The following ARHGEF33 variants were observed in gnomAD, a reference collection of about 807,000 sequenced individuals.
The protein encoded by ARHGEF33 is Rho guanine nucleotide exchange factor 33.
A neutral mutation model predicts 101.9 loss-of-function variants in ARHGEF33; 72 were observed. That is an observed-to-expected ratio of 0.71 (90% confidence interval 0.58 to 0.86). The LOEUF is 0.86. Ranked by LOEUF, ARHGEF33 falls within the 40% of genes least tolerant of loss-of-function variation. The pLI is 0.00. For missense variants in ARHGEF33, 1,169 were observed against 1,111.3 expected, an observed-to-expected ratio of 1.05 and a Z score of -0.74; for synonymous variants, 499 against 442.5, an observed-to-expected ratio of 1.13 and a Z score of -1.60.
At chr2:38,923,073 A>G (rs1666796416) in intron 4 of ARHGEF33, among the ~76,000 whole-genome samples, 1 of 152,176 alleles carries the variant, frequency 6.6e-6, no homozygotes. Flanking sequence ...AGTCTATTAT[A>G]GATTTTATGT....
At chr2:38,971,624 A>G (rs1056332401) in intron 17 of ARHGEF33, among the ~76,000 whole-genome samples, 1 of 152,202 alleles carries the variant, frequency 6.6e-6, no homozygotes, top group African/African-American at 2.4e-5. Context: ...AGCGTTATAA[A>G]GAGGTCAGTT....
chr2:38,945,757 G>T, intron 10 of ARHGEF33, among the ~76,000 whole-genome samples: 1 of 152,210 alleles, frequency 6.6e-6, no homozygotes. Flanking sequence ...AGGGAAAAGA[G>T]AAAACTGTTT....
intron 16 of ARHGEF33, among the ~76,000 whole-genome samples, chr2:38,963,567 C>G (rs554717803): frequency 6.6e-6 from 1 of 152,278 alleles, no homozygotes; most frequent in South Asian, 2.1e-4. Context: ...AAAGAAGATA[C>G]AATTTTTGAG....
Position 38,959,938 on chromosome 2 carries a change from A to C in ARHGEF33, c.1633A>C (p.Lys545Gln), listed in dbSNP as rs938122913. 3 of 1,551,676 alleles carry C rather than the reference A, an allele frequency of 1.9e-6. No homozygotes were observed. The highest frequency in any genetic ancestry group is 2.6e-6 in the Non-Finnish European group (3 of 1,146,918). ...KPSDWELEGR[K>Q]HERPESLLAP... ...CAGTGACTGGGAGCTGGAGGGCAGG[A>C]AGCACGAGCGGCCCGAGAGCCTTCT... Residue 545 changes from lysine to glutamine, a missense_variant, in exon 16 of 18, where the codon AAG (lysine) becomes CAG (glutamine). Transcript: ENST00000409978.
chr2:38,958,268 C>G, intron 15 of ARHGEF33, 70 bp downstream of exon 15: 1 of 1,520,990 alleles, frequency 6.6e-7, no homozygotes, highest in South Asian at 1.2e-5. Context: ...TGCGGGTTAG[C>G]AGGGCAGCCT....
At chr2:38,909,330 AT>A (rs955393862) in intron 2 of ARHGEF33, among the ~76,000 whole-genome samples, 19 of 149,536 alleles carry the variant, frequency 1.3e-4, no homozygotes, top group African/African-American at 2.7e-4. Flanking sequence ...ATTAAAAAAA[AT>A]TTTTTTTTTA....
intron 10 of ARHGEF33, among the ~76,000 whole-genome samples, 171 bp downstream of exon 10, chr2:38,944,201 C>G (rs560996145): frequency 7.9e-5 from 12 of 152,346 alleles, no homozygotes; most frequent in African/African-American, 2.9e-4. Flanking sequence ...GCTGCTATGA[C>G]AGAATATCGT....
At chr2:38,950,951 A>C in intron 10 of ARHGEF33, 38 bp from the exon 11 acceptor site, 1 of 1,545,008 alleles carries the variant, frequency 6.5e-7, no homozygotes, top group Non-Finnish European at 8.7e-7. Context: ...TCTTCTCTAC[A>C]CCTTGTTTGT....
chr2:38,930,245 A>T (rs1365346116), intron 6 of ARHGEF33, among the ~76,000 whole-genome samples: 1 of 152,178 alleles, frequency 6.6e-6, no homozygotes, highest in Non-Finnish European at 1.5e-5. Flanking sequence ...AAATAAATTT[A>T]TGTTAAACGA....
Position 38,960,516 on chromosome 2 carries a change from C to A in ARHGEF33, c.2211C>A (p.Pro737=). The A allele has an allele frequency of 7.7e-7, 1 of 1,297,992 alleles. No homozygotes were observed. Among genetic ancestry groups the A allele is most frequent in the Non-Finnish European group, 9.8e-7 (1 of 1,023,846 alleles). The allele number at this position is 1,297,992 out of a possible 1,614,324, so 80.4% of individuals were successfully genotyped here. Residue 737 remains proline (P), a synonymous_variant, in exon 16 of 18, where the codon CCC becomes CCA. Coordinates refer to ENST00000409978, the MANE Select transcript of ARHGEF33 (RefSeq NM_001145451.5). ...GCAGCAGCAGCGGCGGCCGCGCGCC[C>A]ATCAAGGCCGAGCGCGCCGCGCAGG... ...STRSSSGGRA[P]IKAERAAQAH...
intron 9 of ARHGEF33, among the ~76,000 whole-genome samples, chr2:38,943,377 A>C (rs1447751052): frequency 6.6e-6 from 1 of 152,212 alleles, no homozygotes; most frequent in African/African-American, 2.4e-5. Context: ...GGCTGAGGGA[A>C]GTCTCACTGT....
chr2:38,941,313 AC>A (rs1667301468), intron 9 of ARHGEF33, among the ~76,000 whole-genome samples: 1 of 152,184 alleles, frequency 6.6e-6, no homozygotes. Flanking sequence ...TCAGGAATGT[AC>A]AAGGGCAGCT....
Position 38,890,164 on chromosome 2 carries a change from T to C in ARHGEF33, c.-159+178T>C, listed in dbSNP as rs149335920. Among the ~76,000 whole-genome samples, 498 of 152,344 alleles carry C rather than the reference T, an allele frequency of 3.3e-3. 1 individual carries two copies. The highest frequency in any genetic ancestry group is 5.5e-3 in the Non-Finnish European group (373 of 68,028). On this transcript the variant is annotated intron_variant, in intron 1 of 17. Coordinates refer to ENST00000409978, the MANE Select transcript of ARHGEF33 (RefSeq NM_001145451.5). ...TTTATTTAAGAGTTATAACAATTTG[T>C]AAAACATTTATTTCCTTGCTTAATT... is the stretch of plus-strand genomic sequence containing the variant.
chr2:38,972,773 G>A (rs1417905244), intron 17 of ARHGEF33, among the ~76,000 whole-genome samples: 1 of 152,172 alleles, frequency 6.6e-6, no homozygotes, highest in Non-Finnish European at 1.5e-5. Context: ...CTTCTTTGGT[G>A]GATAGTGGAA....
At chr2:38,895,601 A>C (rs1666103263) in intron 1 of ARHGEF33, among the ~76,000 whole-genome samples, 176 bp from the exon 2 acceptor site, 1 of 152,158 alleles carries the variant, frequency 6.6e-6, no homozygotes, top group South Asian at 2.1e-4. Context: ...AGACTAAAAG[A>C]AACAAAGACT....
chr2:38,918,793 C>T (rs1165443961), intron 2 of ARHGEF33, among the ~76,000 whole-genome samples: 1 of 150,120 alleles, frequency 6.7e-6, no homozygotes, highest in Non-Finnish European at 1.5e-5. Flanking sequence ...TGTAATTCAG[C>T]ACTTTGGGAG....
chr2:38,948,434 G>C (rs1486864675), intron 10 of ARHGEF33, among the ~76,000 whole-genome samples: 1 of 152,106 alleles, frequency 6.6e-6, no homozygotes, highest in African/African-American at 2.4e-5. Context: ...TCATCCCGGT[G>C]GGCAGTCCAG....
intron 2 of ARHGEF33, among the ~76,000 whole-genome samples, chr2:38,900,269 T>C (rs990236776): frequency 6.6e-6 from 1 of 152,036 alleles, no homozygotes; most frequent in African/African-American, 2.4e-5. Context: ...ATAATGCAGT[T>C]TGAGAATGTA....
chr2:38,889,917 C>G lies in ARHGEF33; in HGVS notation c.-228C>G. 5 of 470,906 alleles carry G rather than the reference C, an allele frequency of 1.1e-5. 1 individual carries two copies. 29.2% of individuals were successfully genotyped at this position (470,906 alleles called of 1,614,324 possible). ...GCCTCTCTACTGCTTCTTTTTATAA[C>G]CTTTAAGTTAATTCAGAACCCAGAT... On this transcript the variant is annotated 5_prime_UTR_variant, in exon 1 of 18. Coordinates refer to ENST00000409978, the MANE Select transcript of ARHGEF33 (RefSeq NM_001145451.5).
Sources: allele counts gnomAD v4.1 joint callset (sites outside exome capture counted in the v4.1 genomes callset), GRCh38; gene constraint gnomAD v4.1.1; transcripts MANE v1.5; gene names NCBI Gene and HGNC (gene_info 2026-07-23, HGNC 2026-07-21).